Variants in LRCH1 observed in about 807,000 individuals in gnomAD.
LRCH1 encodes the protein leucine-rich repeat and calponin homology domain-containing protein 1.
In LRCH1, 23 loss-of-function variants were observed where a neutral mutation model predicts 94.9. That is an observed-to-expected ratio of 0.24 (90% CI 0.17 to 0.34). The LOEUF (loss-of-function observed/expected upper bound fraction) is 0.34, where lower values mean the gene tolerates loss of function less well. Ranked by LOEUF, LRCH1 falls within the 10% of genes least tolerant of loss-of-function variation. LRCH1 has a pLI of 1.00. For synonymous variants in LRCH1, 364 were observed against 354.9 expected (o/e 1.03, Z -0.29); for missense variants, 790 against 945.9 (o/e 0.84, Z 2.16).
At chr13:46,641,677 C>G (rs530825217) in intron 1 of LRCH1, among the ~76,000 whole-genome samples, 1 of 152,274 alleles carries the variant, frequency 6.6e-6, no homozygotes, top group East Asian at 1.9e-4. Context: ...CTCGATGGCT[C>G]TGGTGGCTGA....
At chr13:46,658,713 A>G (rs1054278569) in intron 2 of LRCH1, among the ~76,000 whole-genome samples, 25 of 152,140 alleles carry the variant, frequency 1.6e-4, no homozygotes, top group African/African-American at 6.0e-4. Context: ...ACTCCTGGAC[A>G]CAAGTGATCC....
At chr13:46,615,470 T>A (rs1487182902) in intron 1 of LRCH1, among the ~76,000 whole-genome samples, 1 of 152,070 alleles carries the variant, frequency 6.6e-6, no homozygotes, top group Non-Finnish European at 1.5e-5. Flanking sequence ...AGGCCTCACC[T>A]CCAACATTGG....
intron 1 of LRCH1, among the ~76,000 whole-genome samples, chr13:46,571,471 C>T (rs975977189): frequency 2.0e-5 from 3 of 152,194 alleles, no homozygotes; most frequent in East Asian, 3.8e-4. Context: ...ACTGGAGAAA[C>T]GCTAGCTTTG....
chr13:46,585,316 G>A (rs1250093561), intron 1 of LRCH1, among the ~76,000 whole-genome samples: 4 of 152,104 alleles, frequency 2.6e-5, no homozygotes, highest in South Asian at 2.1e-4. Flanking sequence ...GGTGGCTCAC[G>A]CCTGTAATCC....
intron 2 of LRCH1, 27 bp from the exon 3 acceptor site, chr13:46,669,001 CAT>C (rs1175216465): frequency 1.9e-5 from 30 of 1,613,018 alleles, no homozygotes; most frequent in Non-Finnish European, 2.4e-5. Flanking sequence ...TTTCTGTTTA[CAT>C]GTGTTCTTGT....
chr13:46,621,806 T>A (rs866767713), intron 1 of LRCH1, among the ~76,000 whole-genome samples: 9 of 152,222 alleles, frequency 5.9e-5, no homozygotes, highest in African/African-American at 2.2e-4. Flanking sequence ...ACAATTGTTA[T>A]TTTTTGTATA....
intron 1 of LRCH1, among the ~76,000 whole-genome samples, chr13:46,618,014 A>T (rs2050832151): frequency 6.6e-6 from 1 of 152,172 alleles, no homozygotes; most frequent in Admixed American, 6.5e-5. Context: ...GTCTTCTACA[A>T]GCTATACGGT....
intron 1 of LRCH1, among the ~76,000 whole-genome samples, chr13:46,630,641 G>T (rs2051006977): frequency 6.6e-6 from 1 of 152,192 alleles, no homozygotes; most frequent in Admixed American, 6.5e-5. Flanking sequence ...AAGACACTGG[G>T]ACTGGGAAAA....
At position 46,689,544 on chromosome 13, in the gene LRCH1, A is replaced by G. The variant is rs1045366212; in HGVS notation, c.1014+348A>G. 3.2e-4 allele frequency among the ~76,000 whole-genome samples: 49 copies of G among 152,144 alleles called. 1 individual carries two copies. Among genetic ancestry groups the G allele is most frequent in the Non-Finnish European group, 1.9e-4 (13 of 67,974 alleles). On this transcript the variant is annotated intron_variant, in intron 7 of 19. Transcript: ENST00000389797. ...GTGCCCGTGAAGCACTTTTATACAT[A>G]CGCTTATTTTTCAGTAATAGAGTAA...
At chr13:46,600,037 A>G (rs905711907) in intron 1 of LRCH1, among the ~76,000 whole-genome samples, 4 of 152,338 alleles carry the variant, frequency 2.6e-5, no homozygotes, top group South Asian at 2.1e-4. Flanking sequence ...TGTATTAAAA[A>G]ATAGCACCCA....
At chr13:46,681,352 G>A (rs1465297223) in intron 3 of LRCH1, among the ~76,000 whole-genome samples, 2 of 152,170 alleles carry the variant, frequency 1.3e-5, no homozygotes, top group African/African-American at 2.4e-5. Flanking sequence ...GTTAACTCTG[G>A]CACTTGCATG....
rs755019226 is a variant in LRCH1, at chr13:46,728,864, G to T, written c.1887G>T (p.Leu629Phe). ...CCCAACAGAGCATTGAGATGAGATT[G>T]AAGGTCAGTCTACACGAAGACCTGG... ...EQLRESIEMRLKVSLHEDLGA... is the reference protein window; with the variant it reads ...EQLRESIEMRFKVSLHEDLGA... Residue 629 changes from leucine (L) to phenylalanine (F), a missense_variant, in exon 18 of 20, where the codon TTG (leucine) becomes TTT (phenylalanine). Physicochemically the swap from Leu to Phe is conservative, Grantham distance 22. Transcript: ENST00000389797. 6.2e-7 allele frequency: 1 copy of T among 1,608,544 alleles called. No homozygotes were observed. Among genetic ancestry groups the T allele is most frequent in the Non-Finnish European group, 8.5e-7 (1 of 1,176,858 alleles).
At chr13:46,674,800 C>G (rs974564016) in intron 3 of LRCH1, among the ~76,000 whole-genome samples, 3 of 152,118 alleles carry the variant, frequency 2.0e-5, no homozygotes, top group Admixed American at 2.0e-4. Flanking sequence ...ATTACTTAGC[C>G]AAAGCCACAA....
At chr13:46,678,762 A>T (rs1283177975) in intron 3 of LRCH1, among the ~76,000 whole-genome samples, 3 of 152,206 alleles carry the variant, frequency 2.0e-5, no homozygotes, top group African/African-American at 7.2e-5. Flanking sequence ...GAAACATACG[A>T]TGGAAAAAAA....
chr13:46,626,095 CT>C (rs2050945691), intron 1 of LRCH1, among the ~76,000 whole-genome samples: 2 of 152,140 alleles, frequency 1.3e-5, no homozygotes, highest in East Asian at 3.9e-4. Flanking sequence ...TTTTATGTTT[CT>C]TTTTAATTAA....
intron 4 of LRCH1, among the ~76,000 whole-genome samples, chr13:46,685,187 C>G (rs1870543506): frequency 6.6e-6 from 1 of 152,206 alleles, no homozygotes; most frequent in Non-Finnish European, 1.5e-5. Flanking sequence ...CCCAGCCTCT[C>G]TGCTCTATGG....
chr13:46,725,205 G>C (rs1349076974), intron 17 of LRCH1, among the ~76,000 whole-genome samples: 1 of 151,404 alleles, frequency 6.6e-6, no homozygotes, highest in Non-Finnish European at 1.5e-5. Context: ...ATTCCAAAAG[G>C]GGAGAGATAG....
intron 17 of LRCH1, among the ~76,000 whole-genome samples, chr13:46,725,755 G>A (rs1415534397): frequency 6.6e-6 from 1 of 152,212 alleles, no homozygotes; most frequent in Non-Finnish European, 1.5e-5. Flanking sequence ...AGCCACTGTG[G>A]TGATTGAGCA....
In LRCH1 at chr13:46,653,906, G is replaced by A. The variant is rs910131013; in HGVS notation, c.452+3561G>A. Among the ~76,000 whole-genome samples the A allele has an allele frequency of 1.3e-3, 194 of 152,284 alleles. 2 individuals carry two copies. Among genetic ancestry groups the A allele is most frequent in the Admixed American group, 0.013 (193 of 15,296 alleles). On this transcript the variant is annotated intron_variant, in intron 2 of 19. Coordinates refer to ENST00000389797, the MANE Select transcript of LRCH1 (RefSeq NM_001164211.2). ...GTAATCAGAAAGCTGGTCCTCTTGT[G>A]TTATTCAATTACAAGGCCTTTAATT...
Sources: gnomAD v4.1 joint callset for allele counts (sites outside exome capture counted in the v4.1 genomes callset) on GRCh38, gnomAD v4.1.1 for gene constraint, MANE v1.5 for transcripts, NCBI Gene and HGNC (gene_info 2026-07-23, HGNC 2026-07-21) for gene names.